The following NCS1 variants were observed in gnomAD, a reference collection of about 807,000 sequenced individuals.
NCS1 encodes frequenin homolog.
NCS1 carries 6 observed loss-of-function variants against 28.4 expected under a neutral mutation model. The ratio of observed to expected loss-of-function variants is 0.21; its 90% CI spans 0.12 to 0.42. The LOEUF (loss-of-function observed/expected upper bound fraction) is 0.42. Among genes scored for constraint, NCS1 ranks in the 10% least tolerant of loss-of-function variants. NCS1 has a pLI of 1.00. For missense variants in NCS1, 131 were observed against 241.4 expected (o/e 0.54, Z 3.03); for synonymous variants, 86 against 99.3 (o/e 0.87, Z 0.79).
chr9:130,206,403 CTTTT>C (rs71387330), intron 2 of NCS1, among the ~76,000 whole-genome samples: 196 of 116,494 alleles, frequency 1.7e-3, no homozygotes, highest in East Asian at 9.4e-3. Context: ...TTCTTTCTTT[CTTTT>C]TTTTTTTTTT....
Position 130,223,176 on chromosome 9 carries a change from G to A in NCS1, c.474+17G>A, listed in dbSNP as rs1554910860. 1.2e-6 allele frequency: 2 copies of A among 1,605,466 alleles called. No individual in the cohort carries two copies. The highest frequency in any genetic ancestry group is 1.7e-6 in the Non-Finnish European group (2 of 1,172,466). Reference sequence around the variant, plus strand: ...ATGGATAAGGTGAGGTGGGGGGGCGGGGCTGGTCCTGGACCAGGGAGGCAA... The same window carrying A: ...ATGGATAAGGTGAGGTGGGGGGGCGAGGCTGGTCCTGGACCAGGGAGGCAA... On this transcript the variant is annotated intron_variant, in intron 6 of 7. Coordinates refer to ENST00000372398, the MANE Select transcript of NCS1 (RefSeq NM_014286.4).
rs1554910611 is a variant in NCS1, at chr9:130,222,048, T to TATAAATTATGTATCTATAA, written c.308-599_308-598insAATTATGTATCTATAAATA. The stretch of plus-strand genomic sequence containing the variant: ...TAAATATAAATTATGTATCTATAAA[T>TATAAATTATGTATCTATAA]ATATATACATAAATATAAATTATGT... On this transcript the variant is annotated intron_variant, in intron 4 of 7. Transcript: ENST00000372398. Among the ~76,000 whole-genome samples the TATAAATTATGTATCTATAA allele has an allele frequency of 1.9e-3, 4 of 2,122 alleles. 1 individual carries two copies. Among genetic ancestry groups the TATAAATTATGTATCTATAA allele is most frequent in the Admixed American group, 0.022 (2 of 90 alleles). The allele number at this position is 2,122 out of a possible 152,430, so 1.4% of individuals were successfully genotyped here.
At position 130,235,868 on chromosome 9, in the gene NCS1, A is replaced by AG. The variant is rs1833582673; in HGVS notation, c.*2897dup. The AG allele has an allele frequency of 6.6e-6, 1 of 152,292 alleles. No individual in the cohort carries two copies. The highest frequency in any genetic ancestry group is 1.5e-5 in the Non-Finnish European group (1 of 68,116). 9.4% of individuals were successfully genotyped at this position (152,292 alleles called of 1,614,324 possible). A position where few individuals can be genotyped will look rare whatever the true frequency, so the allele number is the denominator to read the frequency against. ...GCTCTGATGCAGAGGGCACGCCCAT[A>AG]GTCCCTCTGCAGAGCCTCGCACTGG... On this transcript the variant is annotated 3_prime_UTR_variant, in exon 8 of 8. Transcript: ENST00000372398.
intron 2 of NCS1, among the ~76,000 whole-genome samples, chr9:130,204,931 A>C (rs979651091): frequency 1.3e-5 from 2 of 152,104 alleles, no homozygotes; most frequent in Non-Finnish European, 2.9e-5. Context: ...ATCAAGCAGC[A>C]ATAGAGCGTG....
chr9:130,226,317 C>A lies in NCS1; in HGVS notation c.475-72C>A. 1 of 1,344,936 alleles carries A rather than the reference C, an allele frequency of 7.4e-7. No homozygotes were observed. Among genetic ancestry groups the A allele is most frequent in the Non-Finnish European group, 1.1e-6 (1 of 944,196 alleles). The allele number at this position is 1,344,936 out of a possible 1,614,324, so 83.3% of individuals were successfully genotyped here. ...ACCTTGGAAGGGCTCTTGGGACCGG[C>A]CCTGGGCTGGGCTTGTCTAGAGCCC... is the stretch of plus-strand genomic sequence containing the variant. On this transcript the variant is annotated intron_variant, in intron 6 of 7. Coordinates refer to ENST00000372398, the MANE Select transcript of NCS1 (RefSeq NM_014286.4). This position sits in a 1 kb window ranked among gnomAD's most constrained non-coding sequence, Gnocchi z 4.8.
At chr9:130,218,629 T>C (rs1336699668) in intron 3 of NCS1, among the ~76,000 whole-genome samples, 2 of 152,134 alleles carry the variant, frequency 1.3e-5, no homozygotes, top group African/African-American at 4.8e-5. Flanking sequence ...TCTTGCTCTG[T>C]TGCCGAGGCT....
rs1033271465 is a variant in NCS1, at chr9:130,233,943, C to T, written c.*971C>T. On this transcript the variant is annotated 3_prime_UTR_variant, in exon 8 of 8. Transcript: ENST00000372398. The surrounding 1 kb of genome is among the most constrained non-coding windows in gnomAD (Gnocchi z 4.8). ...GCCTCTGTCCCCGCATCCTTGTTCT[C>T]CCCTGGGTCCGTAACATTTTTTCCG... 3.9e-5 allele frequency: 6 copies of T among 152,200 alleles called. No homozygotes were observed. Among genetic ancestry groups the T allele is most frequent in the Non-Finnish European group, 5.9e-5 (4 of 68,090 alleles). The allele number at this position is 152,200 out of a possible 1,614,324, so 9.4% of individuals were successfully genotyped here.
rs188904354 is a variant in NCS1 at position 130,226,939 on chromosome 9, C to T, written c.*17+435C>T. Among the ~76,000 whole-genome samples the T allele has an allele frequency of 1.2e-3, 179 of 148,272 alleles. No homozygotes were observed. The highest frequency in any genetic ancestry group is 2.1e-3 in the Non-Finnish European group (140 of 67,514). Reference sequence around the variant, plus strand: ...TTGGGAGGCTGAGGCAGGAGAACCGCTTGAACCCAGGAGGTGGAGATTGCA... The same window carrying T: ...TTGGGAGGCTGAGGCAGGAGAACCGTTTGAACCCAGGAGGTGGAGATTGCA... On this transcript the variant is annotated intron_variant, in intron 7 of 7. Coordinates refer to ENST00000372398, the MANE Select transcript of NCS1 (RefSeq NM_014286.4). This position sits in a 1 kb window ranked among gnomAD's most constrained non-coding sequence, Gnocchi z 4.8.
At chr9:130,201,825 G>T (rs958687772) in intron 2 of NCS1, among the ~76,000 whole-genome samples, 1 of 152,292 alleles carries the variant, frequency 6.6e-6, no homozygotes. Context: ...CCCATCCTGG[G>T]ATTGAGTTTC....
chr9:130,205,533 C>T (rs56179340), intron 2 of NCS1, among the ~76,000 whole-genome samples: 1 of 58,156 alleles, frequency 1.7e-5, no homozygotes, highest in Non-Finnish European at 3.2e-5. Flanking sequence ...GACCTCGTCT[C>T]TTAGAAAAAA....
At chr9:130,222,444 T>G (rs1554910695) in intron 4 of NCS1, among the ~76,000 whole-genome samples, 1 of 152,080 alleles carries the variant, frequency 6.6e-6, no homozygotes, top group African/African-American at 2.4e-5. Flanking sequence ...TGAGCCACCA[T>G]GCCCAGCCTT....
intron 2 of NCS1, among the ~76,000 whole-genome samples, chr9:130,210,839 T>C (rs1833103306): frequency 6.7e-6 from 1 of 150,296 alleles, no homozygotes; most frequent in African/African-American, 2.5e-5. Flanking sequence ...TTTCTTTTTC[T>C]TTTCTTTTTT....
rs576088141 is a variant in NCS1, at chr9:130,203,141, T to A, written c.89+2159T>A. On this transcript the variant is annotated intron_variant, in intron 2 of 7. Transcript: ENST00000372398. ...GTGTATGTATATATATATATATTTT[T>A]TTTTTTTTTTCTTGAGACAGAGTCT... is the stretch of plus-strand genomic sequence containing the variant. Among the ~76,000 whole-genome samples, 1,105 of 144,450 alleles carry A rather than the reference T, an allele frequency of 7.6e-3. 15 individuals are homozygous for A. The highest frequency in any genetic ancestry group is 0.026 in the Admixed American group (380 of 14,446). The allele number at this position is 144,450 out of a possible 152,430, so 94.8% of individuals were successfully genotyped here.
chr9:130,173,091 C>T (rs1214505546), intron 1 of NCS1, among the ~76,000 whole-genome samples: 1 of 152,022 alleles, frequency 6.6e-6, no homozygotes, highest in African/African-American at 2.4e-5. Context: ...CCCGGCTGCG[C>T]GGAGCCGACT....
At chr9:130,182,571 G>A (rs1272711044) in intron 1 of NCS1, among the ~76,000 whole-genome samples, 1 of 152,214 alleles carries the variant, frequency 6.6e-6, no homozygotes, top group Non-Finnish European at 1.5e-5. Flanking sequence ...GTGGAAAGGC[G>A]GCAGGAGGAG....
chr9:130,231,895 A>G (rs1554912168), intron 7 of NCS1, among the ~76,000 whole-genome samples: 1 of 150,268 alleles, frequency 6.7e-6, no homozygotes, highest in Non-Finnish European at 1.5e-5. Flanking sequence ...AAAAAAAGGT[A>G]GCCATCCTAG....
intron 2 of NCS1, among the ~76,000 whole-genome samples, chr9:130,207,752 C>T (rs922986991): frequency 1.3e-5 from 2 of 152,246 alleles, no homozygotes; most frequent in Admixed American, 6.5e-5. Flanking sequence ...ACTGGGCATG[C>T]TCACCCTGCA....
rs782151980 is a variant in NCS1 at position 130,172,777 on chromosome 9, A to ACCGCCC, written c.64+65_64+70dup. 0.01 allele frequency: 7,041 copies of ACCGCCC among 674,622 alleles called. 579 individuals carry two copies. The African/African-American group carries it at 0.26, about 25-fold the overall frequency. 41.8% of individuals were successfully genotyped at this position (674,622 alleles called of 1,614,324 possible). On this transcript the variant is annotated intron_variant, in intron 1 of 7. Coordinates refer to ENST00000372398, the MANE Select transcript of NCS1 (RefSeq NM_014286.4). Reference sequence around the variant, plus strand: ...GCGCCCCGCGGTCACCCCCACACCCACCGCCCCCGCCCCCGCCCCCCGGAC... The same window carrying ACCGCCC: ...GCGCCCCGCGGTCACCCCCACACCCACCGCCCCCGCCCCCGCCCCCGCCCCCCGGAC...
At chr9:130,200,825 A>G (rs1264126395) in intron 1 of NCS1, 133 bp from the exon 2 acceptor site, 19 of 1,456,040 alleles carry the variant, frequency 1.3e-5, no homozygotes, top group Non-Finnish European at 1.7e-5. Context: ...TTTCTCATCC[A>G]GAGCAGGCCG....
Sources: gnomAD v4.1 joint callset for allele counts (sites outside exome capture counted in the v4.1 genomes callset) on GRCh38, gnomAD v4.1.1 for gene constraint, Gnocchi (gnomAD v3.1) non-coding constraint, MANE v1.5 for transcripts, NCBI Gene and HGNC (gene_info 2026-07-23, HGNC 2026-07-21) for gene names.